The following SNTG1 variants were observed in gnomAD, a reference collection of about 807,000 sequenced individuals.
SNTG1 encodes gamma-1-syntrophin.
In SNTG1, 39 loss-of-function variants were observed where a neutral mutation model predicts 74.7. That is an observed-to-expected ratio of 0.52 (90% confidence interval 0.40 to 0.68). The LOEUF (loss-of-function observed/expected upper bound fraction) is 0.68. Ranked by LOEUF, SNTG1 falls within the 30% of genes least tolerant of loss-of-function variation. The pLI is 0.00. For synonymous variants in SNTG1, 254 were observed against 217.1 expected (o/e 1.17, Z -1.49); for missense variants, 685 against 609.5 (o/e 1.12, Z -1.30).
chr8:50,330,749 G>T (rs1440593127), intron 2 of SNTG1, among the ~76,000 whole-genome samples: 1 of 152,182 alleles, frequency 6.6e-6, no homozygotes, highest in African/African-American at 2.4e-5. Context: ...AGGGGAAGGG[G>T]GCACAGTAAA....
chr8:50,616,831 C>A (rs907701213), intron 13 of SNTG1, among the ~76,000 whole-genome samples: 1 of 152,206 alleles, frequency 6.6e-6, no homozygotes, highest in African/African-American at 2.4e-5. Flanking sequence ...AAATACCCTG[C>A]CTTCTGCATA....
At chr8:50,349,956 C>T (rs945227362) in intron 2 of SNTG1, among the ~76,000 whole-genome samples, 2 of 152,192 alleles carry the variant, frequency 1.3e-5, no homozygotes, top group Non-Finnish European at 2.9e-5. Flanking sequence ...GCACCGCGTG[C>T]TTATGGGCCA....
At chr8:50,217,632 T>C (rs1380733054) in intron 2 of SNTG1, among the ~76,000 whole-genome samples, 5 of 121,352 alleles carry the variant, frequency 4.1e-5, no homozygotes, top group African/African-American at 2.5e-4. Context: ...TAAAAACCTA[T>C]TATATTAAAG....
At chr8:50,132,702 T>C (rs1330810935) in intron 1 of SNTG1, among the ~76,000 whole-genome samples, 1 of 152,220 alleles carries the variant, frequency 6.6e-6, no homozygotes. Context: ...CCCATTTTTA[T>C]ACCCTAGAAT....
At chr8:50,048,040 C>T (rs192208988) in intron 1 of SNTG1, among the ~76,000 whole-genome samples, 13 of 152,030 alleles carry the variant, frequency 8.6e-5, no homozygotes, top group African/African-American at 2.9e-4. Context: ...ACAAATAAAA[C>T]AATTAATAAA....
At chr8:49,914,434 A>G (rs1805847486) in intron 1 of SNTG1, among the ~76,000 whole-genome samples, 2 of 152,102 alleles carry the variant, frequency 1.3e-5, no homozygotes, top group African/African-American at 4.8e-5. Flanking sequence ...GACTCAAAAG[A>G]GAAAGGTGAG....
intron 1 of SNTG1, among the ~76,000 whole-genome samples, chr8:49,915,909 T>C (rs2129337444): frequency 6.6e-6 from 1 of 152,288 alleles, no homozygotes; most frequent in South Asian, 2.1e-4. Flanking sequence ...GACATCTCTT[T>C]AGAAAATCGA....
intron 9 of SNTG1, among the ~76,000 whole-genome samples, chr8:50,509,766 T>C (rs1437515348): frequency 6.6e-6 from 1 of 152,146 alleles, no homozygotes; most frequent in African/African-American, 2.4e-5. Flanking sequence ...ACATTGATTT[T>C]GTATCCTGAG....
chr8:50,581,508 C>T lies in SNTG1; in HGVS notation c.811-9371C>T, dbSNP rs543849611. Reference sequence around the variant, plus strand: ...AATTATTATTGTAATATAAGAACTTCCTTTTAAATTATAAGTATTCCTTTC... The same window carrying T: ...AATTATTATTGTAATATAAGAACTTTCTTTTAAATTATAAGTATTCCTTTC... On this transcript the variant is annotated intron_variant, in intron 12 of 18. Coordinates refer to ENST00000642720, the MANE Select transcript of SNTG1 (RefSeq NM_018967.5). Among the ~76,000 whole-genome samples the T allele has an allele frequency of 1.2e-4, 18 of 152,088 alleles. No individual in the cohort carries two copies. In the South Asian group the frequency reaches 2.5e-3, roughly 21 times the overall value.
intron 1 of SNTG1, among the ~76,000 whole-genome samples, chr8:49,990,561 A>T (rs997847248): frequency 2.6e-5 from 4 of 152,128 alleles, no homozygotes; most frequent in Admixed American, 2.6e-4. Flanking sequence ...TACATAATGT[A>T]TTACAAAACT....
At chr8:50,065,060 A>G (rs1313896756) in intron 1 of SNTG1, among the ~76,000 whole-genome samples, 2 of 152,232 alleles carry the variant, frequency 1.3e-5, no homozygotes, top group Non-Finnish European at 2.9e-5. Context: ...ATAAAGCCAT[A>G]AAGTGAGTAA....
At chr8:50,786,876 A>T (rs1183540611) in intron 18 of SNTG1, among the ~76,000 whole-genome samples, 2 of 152,004 alleles carry the variant, frequency 1.3e-5, no homozygotes, top group Non-Finnish European at 2.9e-5. Context: ...CTAAAACTGT[A>T]AACCTATTTG....
intron 1 of SNTG1, among the ~76,000 whole-genome samples, chr8:50,063,311 T>C (rs1417941104): frequency 6.6e-6 from 1 of 152,222 alleles, no homozygotes; most frequent in Non-Finnish European, 1.5e-5. Context: ...TATCAAGAAT[T>C]CTCACGTTTG....
intron 18 of SNTG1, among the ~76,000 whole-genome samples, chr8:50,760,986 C>T (rs1271194806): frequency 1.3e-5 from 2 of 151,854 alleles, no homozygotes; most frequent in African/African-American, 4.8e-5. Context: ...CTATTCCAAA[C>T]AATAGAAAAA....
In SNTG1 at chr8:50,674,306, G is replaced by A. The variant is rs978964977; in HGVS notation, c.1038+15643G>A. Among the ~76,000 whole-genome samples the A allele has an allele frequency of 2.6e-5, 4 of 152,096 alleles. No homozygotes were observed. In the East Asian group the frequency reaches 7.7e-4, roughly 29 times the overall value. ...TTCAGCTGTGAATTTCCCTGGTCCT[G>A]GGCTTTTTTTGGTTGGTAGGCTATT... On this transcript the variant is annotated intron_variant, in intron 15 of 18. Coordinates refer to ENST00000642720, the MANE Select transcript of SNTG1 (RefSeq NM_018967.5).
chr8:50,450,208 C>T (rs2093443089), intron 6 of SNTG1, among the ~76,000 whole-genome samples: 1 of 152,152 alleles, frequency 6.6e-6, no homozygotes, highest in East Asian at 1.9e-4. Context: ...GGAGCCAATT[C>T]CATAGCTGAC....
rs557826899 is a variant in SNTG1, at chr8:50,292,790, T to C, written c.-27-101422T>C. Reference sequence around the variant, plus strand: ...AACAGAACTGGGATGTATATTTTAATATTTAGTTATCCATAACCTACAGGT... The same window carrying C: ...AACAGAACTGGGATGTATATTTTAACATTTAGTTATCCATAACCTACAGGT... On this transcript the variant is annotated intron_variant, in intron 2 of 18. Coordinates refer to ENST00000642720, the MANE Select transcript of SNTG1 (RefSeq NM_018967.5). 2.6e-5 allele frequency among the ~76,000 whole-genome samples: 4 copies of C among 152,302 alleles called. No homozygotes were observed. In the South Asian group the frequency reaches 8.3e-4, roughly 32 times the overall value.
intron 12 of SNTG1, among the ~76,000 whole-genome samples, chr8:50,583,025 TA>T (rs891990773): frequency 3.8e-4 from 58 of 152,254 alleles, no homozygotes; most frequent in African/African-American, 1.3e-3. Flanking sequence ...TTTATGTTCT[TA>T]AAAAAATAAG....
intron 15 of SNTG1, among the ~76,000 whole-genome samples, chr8:50,696,918 G>A (rs1390639691): frequency 6.6e-6 from 1 of 151,858 alleles, no homozygotes; most frequent in African/African-American, 2.4e-5. Context: ...GATTGCTTTG[G>A]CTAATTTGGG....
Sources: gnomAD v4.1 joint callset for allele counts (sites outside exome capture counted in the v4.1 genomes callset) on GRCh38, gnomAD v4.1.1 for gene constraint, MANE v1.5 for transcripts, NCBI Gene and HGNC (gene_info 2026-07-23, HGNC 2026-07-21) for gene names.